Variants in CYP39A1 observed in about 807,000 individuals in gnomAD.
The protein encoded by CYP39A1 is cytochrome P450 family 39 subfamily A member 1.
In CYP39A1, 49 loss-of-function variants were observed where a neutral mutation model predicts 58.1. The ratio of observed to expected loss-of-function variants is 0.84; its 90% CI spans 0.67 to 1.07. The LOEUF is 1.07. CYP39A1 is among the 50% of genes least tolerant of loss of function. The pLI, the probability that CYP39A1 is intolerant of heterozygous loss-of-function variation, is 0.00. For missense variants in CYP39A1, 531 were observed against 539.4 expected, an observed-to-expected ratio of 0.98 and a Z score of 0.16; for synonymous variants, 209 against 187.6, an observed-to-expected ratio of 1.11 and a Z score of -0.93.
intron 10 of CYP39A1, among the ~76,000 whole-genome samples, chr6:46,568,955 T>C (rs1771439179): frequency 6.6e-6 from 1 of 152,052 alleles, no homozygotes; most frequent in Admixed American, 6.6e-5. Flanking sequence ...TTACATTGAA[T>C]CTGCAGACTT....
intron 6 of CYP39A1, among the ~76,000 whole-genome samples, chr6:46,627,168 A>G (rs1775362121): frequency 6.6e-6 from 1 of 152,108 alleles, no homozygotes; most frequent in South Asian, 2.1e-4. Flanking sequence ...CCTGGGGAAA[A>G]CTGTCCCCAT....
intron 7 of CYP39A1, among the ~76,000 whole-genome samples, chr6:46,622,252 T>C (rs1338573311): frequency 2.0e-5 from 3 of 152,092 alleles, no homozygotes; most frequent in Admixed American, 6.5e-5. Flanking sequence ...TAGACAGTGT[T>C]GATGGTTGCA....
intron 10 of CYP39A1, among the ~76,000 whole-genome samples, chr6:46,579,246 A>G (rs1384474650): frequency 6.6e-6 from 1 of 152,132 alleles, no homozygotes; most frequent in Non-Finnish European, 1.5e-5. Flanking sequence ...AAACTAAACT[A>G]AAAACAAAAA....
chr6:46,588,727 C>G (rs566981284), intron 8 of CYP39A1, among the ~76,000 whole-genome samples: 1 of 152,194 alleles, frequency 6.6e-6, no homozygotes, highest in East Asian at 1.9e-4. Flanking sequence ...TGAAAAACGA[C>G]TGGTTAGGAA....
At chr6:46,578,851 C>T (rs1429132024) in intron 10 of CYP39A1, among the ~76,000 whole-genome samples, 1 of 151,952 alleles carries the variant, frequency 6.6e-6, no homozygotes, top group Non-Finnish European at 1.5e-5. Context: ...GAAGGATGCA[C>T]AGCTGAATTC....
At chr6:46,564,638 G>A (rs1341476551) in intron 10 of CYP39A1, among the ~76,000 whole-genome samples, 1 of 152,162 alleles carries the variant, frequency 6.6e-6, no homozygotes, top group African/African-American at 2.4e-5. Context: ...TAGTATTGGG[G>A]AAAATTGATG....
intron 6 of CYP39A1, among the ~76,000 whole-genome samples, chr6:46,630,677 T>C (rs896133249): frequency 6.6e-6 from 1 of 152,226 alleles, no homozygotes; most frequent in Non-Finnish European, 1.5e-5. Flanking sequence ...CATAAACAGA[T>C]GTTGTCTACA....
chr6:46,574,404 G>A (rs1203683683), intron 10 of CYP39A1, among the ~76,000 whole-genome samples: 6 of 152,170 alleles, frequency 3.9e-5, no homozygotes, highest in Admixed American at 2.0e-4. Flanking sequence ...AGAGCTGGGA[G>A]TGGAATCAGT....
At chr6:46,593,007 A>C (rs1772934571) in intron 8 of CYP39A1, among the ~76,000 whole-genome samples, 1 of 152,226 alleles carries the variant, frequency 6.6e-6, no homozygotes, top group South Asian at 2.1e-4. Flanking sequence ...AGAGTCAAAA[A>C]CTACTAAATA....
chr6:46,586,400 A>G, intron 10 of CYP39A1: 5 of 982,170 alleles, frequency 5.1e-6, no homozygotes, highest in Non-Finnish European at 6.0e-6. Context: ...TAGATTGTAA[A>G]TTCTATGAAG....
chr6:46,620,260 C>G (rs9463220), intron 7 of CYP39A1, among the ~76,000 whole-genome samples: 29,021 of 151,976 alleles, frequency 0.19, 2,983 homozygotes, highest in African/African-American at 0.27. Context: ...AGATAGGGCA[C>G]AACAAGGTTG....
intron 11 of CYP39A1, among the ~76,000 whole-genome samples, chr6:46,551,429 GCTTGCTTTT>G (rs763468639): frequency 2.1e-4 from 32 of 151,154 alleles, no homozygotes; most frequent in Non-Finnish European, 4.1e-4. Flanking sequence ...GCAAAAATGT[GCTTGCTTTT>G]GCAAGAGAAT....
At chr6:46,627,042 G>A (rs1392198515) in intron 6 of CYP39A1, among the ~76,000 whole-genome samples, 3 of 152,132 alleles carry the variant, frequency 2.0e-5, no homozygotes, top group African/African-American at 7.2e-5. Context: ...ATGGCAGAAG[G>A]CAAATGGGAA....
At chr6:46,571,973 A>T (rs1478044241) in intron 10 of CYP39A1, among the ~76,000 whole-genome samples, 1 of 152,116 alleles carries the variant, frequency 6.6e-6, no homozygotes, top group Non-Finnish European at 1.5e-5. Context: ...TAATAAAACC[A>T]GTACTACACT....
intron 7 of CYP39A1, 57 bp downstream of exon 7, chr6:46,625,361 A>C (rs1198830815): frequency 8.1e-7 from 1 of 1,228,964 alleles, no homozygotes; most frequent in Admixed American, 2.1e-5. Flanking sequence ...CTTTGCCAAT[A>C]ATGTGTGACA....
In CYP39A1 at chr6:46,552,164, G is replaced by A. The variant is rs1032343209; in HGVS notation, c.1338+1603C>T. Among the ~76,000 whole-genome samples, 4 of 152,222 alleles carry A rather than the reference G, an allele frequency of 2.6e-5. No homozygotes were observed. In the East Asian group the frequency reaches 7.7e-4, roughly 29 times the overall value. On this transcript the variant is annotated intron_variant, in intron 11 of 11. Transcript: ENST00000275016. Reference sequence around the variant, plus strand: ...CAATGCCATCCTTTTCACCTGAAAAGGCATTCTGGTGTCCTCTTGCTGGTG... The same window carrying A: ...CAATGCCATCCTTTTCACCTGAAAAAGCATTCTGGTGTCCTCTTGCTGGTG...
chr6:46,649,695 T>C (rs919482879), intron 1 of CYP39A1, among the ~76,000 whole-genome samples: 2 of 152,124 alleles, frequency 1.3e-5, no homozygotes, highest in African/African-American at 2.4e-5. Flanking sequence ...AAACAATATA[T>C]AAGAAATGAA....
intron 1 of CYP39A1, among the ~76,000 whole-genome samples, chr6:46,647,138 T>C (rs1274797376): frequency 6.6e-6 from 1 of 152,120 alleles, no homozygotes; most frequent in Non-Finnish European, 1.5e-5. Flanking sequence ...CGATTTCAGG[T>C]TTTTCTTTTC....
chr6:46,613,092 A>C (rs921137497), intron 7 of CYP39A1, among the ~76,000 whole-genome samples: 1 of 152,266 alleles, frequency 6.6e-6, no homozygotes, highest in Non-Finnish European at 1.5e-5. Flanking sequence ...TAATCAACTA[A>C]TTAAAATAAA....
Sources: allele counts gnomAD v4.1 joint callset (sites outside exome capture counted in the v4.1 genomes callset), GRCh38; gene constraint gnomAD v4.1.1; transcripts MANE v1.5; gene names NCBI Gene and HGNC (gene_info 2026-07-23, HGNC 2026-07-21).